TOMM20: variants seen among roughly 807,000 people sequenced by gnomAD.
TOMM20 encodes mitochondrial import receptor subunit TOM20 homolog.
A neutral mutation model predicts 22.1 loss-of-function variants in TOMM20; 10 were observed. The ratio of observed to expected loss-of-function variants is 0.45; its 90% CI spans 0.28 to 0.77. The LOEUF is 0.77. Ranked by LOEUF, TOMM20 falls within the 30% of genes least tolerant of loss-of-function variation. The pLI is 0.13. For missense variants in TOMM20, 121 were observed against 172.2 expected (o/e 0.70, Z 1.66); for synonymous variants, 55 against 61.4 (o/e 0.90, Z 0.49).
rs1402747846 is a variant in TOMM20, at chr1:235,110,750, AG to A, written c.*1313del. The A allele has an allele frequency of 6.6e-6, 1 of 152,248 alleles. No homozygotes were observed. Among genetic ancestry groups the A allele is most frequent in the African/African-American group, 2.4e-5 (1 of 41,468 alleles). 9.4% of individuals were successfully genotyped at this position (152,248 alleles called of 1,614,324 possible). On this transcript the variant is annotated 3_prime_UTR_variant, in exon 5 of 5. Coordinates refer to ENST00000366607, the MANE Select transcript of TOMM20 (RefSeq NM_014765.3). ...AATCAAAATAAAATGCCTAGTACAT[AG>A]GAAAAGTCTTTGGGATTTCTCCAGA...
At position 235,110,427 on chromosome 1, in the gene TOMM20, AT is replaced by A. The variant is rs1362398497; in HGVS notation, c.*1636del. 1 of 152,154 alleles carries A rather than the reference AT, an allele frequency of 6.6e-6. No homozygotes were observed. The highest frequency in any genetic ancestry group is 1.5e-5 in the Non-Finnish European group (1 of 68,092). 9.4% of individuals were successfully genotyped at this position (152,154 alleles called of 1,614,324 possible). A position where few individuals can be genotyped will look rare whatever the true frequency, so the allele number is the denominator to read the frequency against. On this transcript the variant is annotated 3_prime_UTR_variant, in exon 5 of 5. Coordinates refer to ENST00000366607, the MANE Select transcript of TOMM20 (RefSeq NM_014765.3). ...ACCAATCACCACTACACTGCTTTGGATTTGGGATCCCACTAGTAAAACTAAC... is the reference window on the plus strand; with the variant it reads ...ACCAATCACCACTACACTGCTTTGGATTGGGATCCCACTAGTAAAACTAAC...
Position 235,111,933 on chromosome 1 carries a change from A to C in TOMM20, c.*131T>G, listed in dbSNP as rs1300007154. ...TAGACAAATGGATCTACACAAAGTA[A>C]ACATTAACTTTGGTAGATTTCAGTG... On this transcript the variant is annotated 3_prime_UTR_variant, in exon 5 of 5. Transcript: ENST00000366607. 1.3e-6 allele frequency: 1 copy of C among 753,936 alleles called. No individual in the cohort carries two copies. Among genetic ancestry groups the C allele is most frequent in the Non-Finnish European group, 2.3e-6 (1 of 438,142 alleles). The allele number at this position is 753,936 out of a possible 1,614,324, so 46.7% of individuals were successfully genotyped here.
chr1:235,115,900 C>G (rs1660819879), intron 3 of TOMM20, among the ~76,000 whole-genome samples: 1 of 152,192 alleles, frequency 6.6e-6, no homozygotes, highest in Admixed American at 6.5e-5. Flanking sequence ...CAGGGCTCCT[C>G]TCCTATACGC....
Position 235,122,830 on chromosome 1 carries a change from T to C in TOMM20, c.122-458A>G, listed in dbSNP as rs529598076. The stretch of plus-strand genomic sequence containing the variant: ...AAATCTAAAGTGTACAGGAGGCATA[T>C]GATGGTTACATGAAAATACTATACC... On this transcript the variant is annotated intron_variant, in intron 1 of 4. Coordinates refer to ENST00000366607, the MANE Select transcript of TOMM20 (RefSeq NM_014765.3). Among the ~76,000 whole-genome samples the C allele has an allele frequency of 1.8e-4, 27 of 152,302 alleles. No individual in the cohort carries two copies. In the South Asian group the frequency reaches 5.2e-3, roughly 29 times the overall value.
At chr1:235,115,762 C>G (rs1310387244) in intron 3 of TOMM20, among the ~76,000 whole-genome samples, 1 of 152,210 alleles carries the variant, frequency 6.6e-6, no homozygotes, top group East Asian at 1.9e-4. Flanking sequence ...GATGTTTGTA[C>G]AGTAAACAAC....
Position 235,111,712 on chromosome 1 carries a change from CTTT to C in TOMM20, c.*349_*351del, listed in dbSNP as rs141261852. ...TGTACATTCTTCAGTTTCTCCTATACTTTTTTTTTTTTGCCTATCTTTCAAAAC... is the reference window on the plus strand; with the variant it reads ...TGTACATTCTTCAGTTTCTCCTATACTTTTTTTTTGCCTATCTTTCAAAAC... On this transcript the variant is annotated 3_prime_UTR_variant, in exon 5 of 5. Transcript: ENST00000366607. The C allele has an allele frequency of 3.1e-5, 5 of 162,036 alleles. No homozygotes were observed. The highest frequency in any genetic ancestry group is 5.2e-5 in the Non-Finnish European group (4 of 77,052). 10.0% of individuals were successfully genotyped at this position (162,036 alleles called of 1,614,324 possible). A position where few individuals can be genotyped will look rare whatever the true frequency, so the allele number is the denominator to read the frequency against.
In TOMM20 at chr1:235,119,885, T is replaced by C. The variant is rs746224351; in HGVS notation, c.183A>G (p.Lys61=). 1.9e-6 allele frequency: 3 copies of C among 1,610,638 alleles called. No individual in the cohort carries two copies. Among genetic ancestry groups the C allele is most frequent in the Non-Finnish European group, 2.5e-6 (3 of 1,177,666 alleles). ...RAGLSKLPDL[K]DAEAVQKFFL... is the part of the protein sequence containing the mutation. ...AGAACTTCTGAACAGCTTCAGCATC[T>C]TTAAGGTCAGGTAACTGGAAATAAA... is the stretch of plus-strand genomic sequence containing the variant. The change falls in exon 3 of 5, where the codon AAA becomes AAG. Residue 61 remains lysine, a synonymous_variant. Transcript: ENST00000366607.
Position 235,112,115 on chromosome 1 carries a change from GAAA to G in TOMM20, c.394-10_394-8del. 1 of 1,484,918 alleles carries G rather than the reference GAAA, an allele frequency of 6.7e-7. No homozygotes were observed. 92.0% of individuals were successfully genotyped at this position (1,484,918 alleles called of 1,614,324 possible). On this transcript the variant is annotated splice_region_variant and splice_polypyrimidine_tract_variant and intron_variant, in intron 4 of 4. Transcript: ENST00000366607. ...TCTGAGCACTTACAATTCTCTGAAA[GAAA>G]AAAAAAATAATTTTTTAAAGTGTCA...
At chr1:235,117,862 A>C (rs779162708) in intron 3 of TOMM20, among the ~76,000 whole-genome samples, 1 of 152,328 alleles carries the variant, frequency 6.6e-6, no homozygotes, top group South Asian at 2.1e-4. Context: ...TCCCATCTAC[A>C]CAATGTTTCA....
In TOMM20 at chr1:235,111,756, T is replaced by C. The variant is rs2102806579; in HGVS notation, c.*308A>G. The C allele has an allele frequency of 4.8e-6, 1 of 207,252 alleles. No individual in the cohort carries two copies. Among genetic ancestry groups the C allele is most frequent in the African/African-American group, 2.3e-5 (1 of 43,194 alleles). The allele number at this position is 207,252 out of a possible 1,614,324, so 12.8% of individuals were successfully genotyped here. On this transcript the variant is annotated 3_prime_UTR_variant, in exon 5 of 5. Coordinates refer to ENST00000366607, the MANE Select transcript of TOMM20 (RefSeq NM_014765.3). ...CTTTCAAAACTGAGCACTGGGTATT[T>C]TTAACATAAGCCATGTCATATGTAC... is the stretch of plus-strand genomic sequence containing the variant.
At chr1:235,114,930 T>A (rs67310737) in intron 3 of TOMM20, among the ~76,000 whole-genome samples, 26,116 of 152,058 alleles carry the variant, frequency 0.17, 2,504 homozygotes, top group Middle Eastern at 0.25. Context: ...AGTACAATGG[T>A]ACAATCTTGG....
intron 1 of TOMM20, chr1:235,127,659 G>A (rs1486535220): frequency 8.3e-6 from 3 of 361,218 alleles, no homozygotes; most frequent in Non-Finnish European, 1.7e-5. Flanking sequence ...AACTAATTTG[G>A]CTGAACAACC....
chr1:235,128,577 G>T lies in TOMM20; in HGVS notation c.121+18C>A, dbSNP rs1263607541. 2 of 1,611,920 alleles carry T rather than the reference G, an allele frequency of 1.2e-6. No individual in the cohort carries two copies. The highest frequency in any genetic ancestry group is 1.1e-5 in the South Asian group (1 of 90,994). On this transcript the variant is annotated intron_variant, in intron 1 of 4. Coordinates refer to ENST00000366607, the MANE Select transcript of TOMM20 (RefSeq NM_014765.3). ...CCGAAGGCAGCAAGCCTGGCCAGGG[G>T]AGAGAGGACCCACTCACGTTCTCGA...
At chr1:235,125,437 G>A (rs1347401044) in intron 1 of TOMM20, among the ~76,000 whole-genome samples, 3 of 151,854 alleles carry the variant, frequency 2.0e-5, no homozygotes, top group Non-Finnish European at 4.4e-5. Flanking sequence ...GGATGGTCTC[G>A]ATCTCCTGAC....
chr1:235,116,202 A>C (rs867333363), intron 3 of TOMM20, among the ~76,000 whole-genome samples: 8 of 152,046 alleles, frequency 5.3e-5, no homozygotes, highest in Middle Eastern at 3.4e-3. Flanking sequence ...AGGTCAGTTC[A>C]AGACCAGCCT....
At chr1:235,113,356 C>T (rs768179676) in intron 4 of TOMM20, among the ~76,000 whole-genome samples, 1 of 152,192 alleles carries the variant, frequency 6.6e-6, no homozygotes, top group African/African-American at 2.4e-5. Context: ...AATCCATGCT[C>T]TTGAATGTCT....
chr1:235,109,775 C>T lies in TOMM20; in HGVS notation c.*2289G>A, dbSNP rs1458845499. 1 of 152,238 alleles carries T rather than the reference C, an allele frequency of 6.6e-6. No homozygotes were observed. The highest frequency in any genetic ancestry group is 2.4e-5 in the African/African-American group (1 of 41,466). 9.4% of individuals were successfully genotyped at this position (152,238 alleles called of 1,614,324 possible). ...CCAAAGAAGCACATCAACTGTTGCA[C>T]TAATACATTATTTTCCATTTCCAAA... is the stretch of plus-strand genomic sequence containing the variant. On this transcript the variant is annotated 3_prime_UTR_variant, in exon 5 of 5. Transcript: ENST00000366607.
chr1:235,110,422 T>A lies in TOMM20; in HGVS notation c.*1642A>T, dbSNP rs1463756176. 1 of 152,274 alleles carries A rather than the reference T, an allele frequency of 6.6e-6. No homozygotes were observed. Among genetic ancestry groups the A allele is most frequent in the Non-Finnish European group, 1.5e-5 (1 of 68,120 alleles). 9.4% of individuals were successfully genotyped at this position (152,274 alleles called of 1,614,324 possible). ...CACTGACCAATCACCACTACACTGC[T>A]TTGGATTTGGGATCCCACTAGTAAA... On this transcript the variant is annotated 3_prime_UTR_variant, in exon 5 of 5. Transcript: ENST00000366607.
At chr1:235,117,078 T>C (rs576025083) in intron 3 of TOMM20, among the ~76,000 whole-genome samples, 11 of 123,792 alleles carry the variant, frequency 8.9e-5, no homozygotes, top group Non-Finnish European at 1.6e-4. Flanking sequence ...GAGCTTGCAG[T>C]GAGCGGAGAT....
Sources: gnomAD v4.1 joint callset for allele counts (sites outside exome capture counted in the v4.1 genomes callset) on GRCh38, gnomAD v4.1.1 for gene constraint, MANE v1.5 for transcripts, NCBI Gene and HGNC (gene_info 2026-07-23, HGNC 2026-07-21) for gene names.